EREG: variants seen among roughly 807,000 people sequenced by gnomAD.
The protein encoded by EREG is proepiregulin.
Under a neutral mutation model 22.4 loss-of-function variants are expected in EREG, and 23 were observed. That is an observed-to-expected ratio of 1.03 (90% confidence interval 0.74 to 1.46). The LOEUF (loss-of-function observed/expected upper bound fraction) is 1.46. Ranked by LOEUF, EREG falls within the 40% of genes most tolerant of loss-of-function variation. The pLI, the probability that EREG is intolerant of heterozygous loss-of-function variation, is 0.00. For synonymous variants in EREG, 100 were observed against 75.4 expected (o/e 1.33, Z -1.69); for missense variants, 226 against 205.9 (o/e 1.10, Z -0.60).
intron 4 of EREG, among the ~76,000 whole-genome samples, chr4:74,384,073 T>C (rs1004737772): frequency 5.3e-5 from 8 of 152,100 alleles, no homozygotes. Context: ...ATTAGGAAAA[T>C]AGCTTAATGA....
chr4:74,382,468 G>A (rs1289094137), intron 3 of EREG, 177 bp from the exon 4 acceptor site: 1 of 516,394 alleles, frequency 1.9e-6, no homozygotes, highest in Non-Finnish European at 3.4e-6. Context: ...CAAGAGCTAC[G>A]TGGAGCCCTT....
intron 1 of EREG, among the ~76,000 whole-genome samples, chr4:74,376,345 T>C (rs943185761): frequency 2.6e-5 from 4 of 152,216 alleles, no homozygotes; most frequent in African/African-American, 7.2e-5. Context: ...CTCCAAAGCT[T>C]TCCTCAGTTG....
At chr4:74,373,357 T>C (rs930069940) in intron 1 of EREG, among the ~76,000 whole-genome samples, 1 of 152,048 alleles carries the variant, frequency 6.6e-6, no homozygotes, top group South Asian at 2.1e-4. Flanking sequence ...ACACATGGCA[T>C]ATTAATATTT....
intron 3 of EREG, 71 bp downstream of exon 3, chr4:74,381,208 A>C: frequency 7.4e-7 from 1 of 1,356,732 alleles, no homozygotes. Flanking sequence ...ACAAGTGCAG[A>C]TTTGCTAGTG....
chr4:74,382,309 CCAAA>C (rs1381370720), intron 3 of EREG: 1 of 183,156 alleles, frequency 5.5e-6, no homozygotes, highest in Non-Finnish European at 1.1e-5. Flanking sequence ...CTCAAAAAAA[CCAAA>C]CAGACAAACA....
chr4:74,379,705 A>G (rs1162840854), intron 2 of EREG, among the ~76,000 whole-genome samples, 171 bp downstream of exon 2: 1 of 152,218 alleles, frequency 6.6e-6, no homozygotes, highest in Non-Finnish European at 1.5e-5. Flanking sequence ...TATATAAAGG[A>G]ATAACTGGTA....
chr4:74,379,204 T>G (rs1297646580), intron 1 of EREG, among the ~76,000 whole-genome samples: 3 of 152,182 alleles, frequency 2.0e-5, no homozygotes, highest in Non-Finnish European at 4.4e-5. Flanking sequence ...TGTGAAATAT[T>G]TAGAGCAGGT....
chr4:74,379,738 A>G (rs1238879908), intron 2 of EREG, among the ~76,000 whole-genome samples: 1 of 152,212 alleles, frequency 6.6e-6, no homozygotes, highest in Non-Finnish European at 1.5e-5. Flanking sequence ...GATAAATTAT[A>G]TACACAGATT....
At chr4:74,384,662 T>C in intron 4 of EREG, 65 bp from the exon 5 acceptor site, 1 of 905,454 alleles carries the variant, frequency 1.1e-6, no homozygotes. Flanking sequence ...GGAGTCCATA[T>C]ATAACACACT....
chr4:74,369,838 T>C (rs1250699315), intron 1 of EREG, among the ~76,000 whole-genome samples: 2 of 152,066 alleles, frequency 1.3e-5, no homozygotes, highest in African/African-American at 4.8e-5. Context: ...AAAAAGGTTG[T>C]CCACAATAAC....
At position 74,387,872 on chromosome 4, in the gene EREG, A is replaced by T. The variant is rs927820854; in HGVS notation, c.*3064A>T. On this transcript the variant is annotated 3_prime_UTR_variant, in exon 5 of 5. Transcript: ENST00000244869. ...ACCAGGAATATTAAGTTCTATAACT[A>T]GTACTCAAGGTTTAACCTTAAAATT... 7.9e-5 allele frequency: 12 copies of T among 152,242 alleles called. No individual in the cohort carries two copies. Among genetic ancestry groups the T allele is most frequent in the African/African-American group, 2.9e-4 (12 of 41,472 alleles). The allele number at this position is 152,242 out of a possible 1,614,324, so 9.4% of individuals were successfully genotyped here.
chr4:74,381,099 G>A lies in EREG; in HGVS notation c.240G>A (p.Gln80=), dbSNP rs1450938741. 1 of 1,613,372 alleles carries A rather than the reference G, an allele frequency of 6.2e-7. No homozygotes were observed. ...TGAATGGCTATTGTTTGCATGGACAGTGCATCTATCTGGTGGACATGAGTC... is the reference window on the plus strand; with the variant it reads ...TGAATGGCTATTGTTTGCATGGACAATGCATCTATCTGGTGGACATGAGTC... ...SDMNGYCLHG[Q]CIYLVDMSQN... Residue 80 remains glutamine, a synonymous_variant, in exon 3 of 5, where the codon CAG becomes CAA. Coordinates refer to ENST00000244869, the MANE Select transcript of EREG (RefSeq NM_001432.3).
intron 2 of EREG, among the ~76,000 whole-genome samples, chr4:74,379,853 T>A (rs953859502): frequency 3.9e-5 from 6 of 152,136 alleles, no homozygotes; most frequent in Non-Finnish European, 8.8e-5. Context: ...ACTGACTGGA[T>A]TCCAGGCAAA....
chr4:74,369,308 C>T (rs138316934), intron 1 of EREG, among the ~76,000 whole-genome samples: 269 of 152,022 alleles, frequency 1.8e-3, no homozygotes, highest in African/African-American at 6.2e-3. Context: ...CACCTTCCAC[C>T]CTTCCCCTTC....
intron 1 of EREG, among the ~76,000 whole-genome samples, chr4:74,367,458 G>C (rs575306079): frequency 1.3e-5 from 2 of 152,242 alleles, no homozygotes; most frequent in South Asian, 4.1e-4. Context: ...AAGAGAGGAG[G>C]ATAAATTTTT....
At chr4:74,381,416 TAAAC>T (rs1419952723) in intron 3 of EREG, 2 of 232,582 alleles carry the variant, frequency 8.6e-6, no homozygotes, top group African/African-American at 2.3e-5. Context: ...GAACATGTGA[TAAAC>T]AAATGCAGTT....
chr4:74,365,416 A>G, intron 1 of EREG, 41 bp downstream of exon 1: 1 of 1,587,282 alleles, frequency 6.3e-7, no homozygotes, highest in African/African-American at 1.3e-5. Context: ...CCCAAAGAGG[A>G]GACAAATAAG....
chr4:74,369,879 G>A (rs1005621888), intron 1 of EREG, among the ~76,000 whole-genome samples: 1 of 151,870 alleles, frequency 6.6e-6, no homozygotes, highest in East Asian at 1.9e-4. Context: ...AGATTTAATG[G>A]ATAAGATGAT....
At position 74,384,846 on chromosome 4, in the gene EREG, G is replaced by C. The variant is rs745925676; in HGVS notation, c.*38G>C. The C allele has an allele frequency of 2.4e-6, 3 of 1,258,830 alleles. No individual in the cohort carries two copies. Among genetic ancestry groups the C allele is most frequent in the Non-Finnish European group, 3.5e-6 (3 of 864,854 alleles). The allele number at this position is 1,258,830 out of a possible 1,614,324, so 78.0% of individuals were successfully genotyped here. A position where few individuals can be genotyped will look rare whatever the true frequency, so the allele number is the denominator to read the frequency against. ...AACTTATGGGCAGGGATAACAGTGT[G>C]CCTGGTTAATATTAATATTCCCATT... On this transcript the variant is annotated 3_prime_UTR_variant, in exon 5 of 5. Coordinates refer to ENST00000244869, the MANE Select transcript of EREG (RefSeq NM_001432.3).
Sources: allele counts gnomAD v4.1 joint callset (sites outside exome capture counted in the v4.1 genomes callset), GRCh38; gene constraint gnomAD v4.1.1; transcripts MANE v1.5; gene names NCBI Gene and HGNC (gene_info 2026-07-23, HGNC 2026-07-21).